Variants in GSPT1 observed in about 807,000 individuals in gnomAD.
GSPT1 encodes the protein G1 to S phase transition 1.
In GSPT1, 20 loss-of-function variants were observed where a neutral mutation model predicts 72.5. The ratio of observed to expected loss-of-function variants is 0.28; its 90% CI spans 0.19 to 0.40. GSPT1 has a LOEUF of 0.40. Among genes scored for constraint, GSPT1 ranks in the 10% least tolerant of loss-of-function variants. GSPT1 has a pLI of 1.00. For missense variants in GSPT1, 580 were observed against 811.9 expected (o/e 0.71, Z 3.47); for synonymous variants, 334 against 293.5 (o/e 1.14, Z -1.41).
In GSPT1 at chr16:11,878,594, TAA is replaced by T. The variant is rs71136693; in HGVS notation, c.1429-1016_1429-1015del. Among the ~76,000 whole-genome samples, 489 of 130,950 alleles carry T rather than the reference TAA, an allele frequency of 3.7e-3. 1 individual carries two copies. Among genetic ancestry groups the T allele is most frequent in the East Asian group, 8.7e-3 (40 of 4,586 alleles). 85.9% of individuals were successfully genotyped at this position (130,950 alleles called of 152,430 possible). A position where few individuals can be genotyped will look rare whatever the true frequency, so the allele number is the denominator to read the frequency against. On this transcript the variant is annotated intron_variant, in intron 11 of 14. Coordinates refer to ENST00000434724, the MANE Select transcript of GSPT1 (RefSeq NM_002094.4). Reference sequence around the variant, plus strand: ...GAGTGACACAGCGAGACCCTGTCTTTAAAAAAAAAAAAAAAAAAAGTTTTTAA... The same window carrying T: ...GAGTGACACAGCGAGACCCTGTCTTTAAAAAAAAAAAAAAAAAGTTTTTAA...
rs2053951433 is a variant in GSPT1, at chr16:11,869,183, A to C, written c.*3936T>G. ...CCACGGAATTACTACTGGAAAATAA[A>C]AACACTTCCTATTCTTTCTATTCCT... is the stretch of plus-strand genomic sequence containing the variant. On this transcript the variant is annotated 3_prime_UTR_variant, in exon 15 of 15. Transcript: ENST00000434724. 1 of 152,254 alleles carries C rather than the reference A, an allele frequency of 6.6e-6. No homozygotes were observed. The highest frequency in any genetic ancestry group is 6.5e-5 in the Admixed American group (1 of 15,274). The allele number at this position is 152,254 out of a possible 1,614,324, so 9.4% of individuals were successfully genotyped here. A position where few individuals can be genotyped will look rare whatever the true frequency, so the allele number is the denominator to read the frequency against.
chr16:11,886,362 T>C, intron 9 of GSPT1, 109 bp downstream of exon 9: 1 of 655,246 alleles, frequency 1.5e-6, no homozygotes, highest in East Asian at 2.8e-5. Context: ...CTTATAAAGA[T>C]ATATGCTCAA....
At chr16:11,889,364 G>A (rs547511487) in intron 6 of GSPT1, among the ~76,000 whole-genome samples, 46 of 125,664 alleles carry the variant, frequency 3.7e-4, no homozygotes, top group African/African-American at 1.5e-3. Flanking sequence ...TTTGGAGATG[G>A]GAGTCTTGCT....
Position 11,891,073 on chromosome 16 carries a change from GT to G in GSPT1, c.764del (p.Asn255ThrfsTer11). The G allele has an allele frequency of 6.8e-7, 1 of 1,462,172 alleles. No individual in the cohort carries two copies. The highest frequency in any genetic ancestry group is 1.3e-5 in the South Asian group (1 of 78,568). 90.6% of individuals were successfully genotyped at this position (1,462,172 alleles called of 1,614,324 possible). A position where few individuals can be genotyped will look rare whatever the true frequency, so the allele number is the denominator to read the frequency against. On this transcript the variant is annotated frameshift_variant, in exon 6 of 15. Transcript: ENST00000434724. LOFTEE classifies it high-confidence loss of function. ...EKYEREAKEK[N>X]RETWYLSWAL... ...AAAGTTTACTATACCAAGTTTCTCT[GT>G]TTTTCTCTTTAGCTTCTCTTTCATA...
chr16:11,875,882 G>A lies in GSPT1; in HGVS notation c.1740C>T (p.Thr580=). Residue 580 remains threonine, a synonymous_variant, in exon 14 of 15, where the codon ACC becomes ACT. Transcript: ENST00000434724. ...GATCTTGTTTGACAAAACGGGGTCG[G>A]GTCTTACTTTTTTCTCCTGATTTTT... ...VDKKSGEKSK[T]RPRFVKQDQV... 1 of 1,613,482 alleles carries A rather than the reference G, an allele frequency of 6.2e-7. No homozygotes were observed. Among genetic ancestry groups the A allele is most frequent in the East Asian group, 2.2e-5 (1 of 44,858 alleles).
Position 11,873,067 on chromosome 16 carries a change from C to A in GSPT1, c.*52G>T. On this transcript the variant is annotated 3_prime_UTR_variant, in exon 15 of 15. Coordinates refer to ENST00000434724, the MANE Select transcript of GSPT1 (RefSeq NM_002094.4). ...ATAAGAGAAGGCGGTGTGAAGTAGGCTTCTGCAGTCAATTTTCCTCACAGT... is the reference window on the plus strand; with the variant it reads ...ATAAGAGAAGGCGGTGTGAAGTAGGATTCTGCAGTCAATTTTCCTCACAGT... 1.0e-6 allele frequency: 1 copy of A among 967,576 alleles called. No homozygotes were observed. The highest frequency in any genetic ancestry group is 1.6e-6 in the Non-Finnish European group (1 of 613,490). 59.9% of individuals were successfully genotyped at this position (967,576 alleles called of 1,614,324 possible). A position where few individuals can be genotyped will look rare whatever the true frequency, so the allele number is the denominator to read the frequency against.
At position 11,881,896 on chromosome 16, in the gene GSPT1, C is replaced by G. The variant is rs141174367; in HGVS notation, c.1428+1119G>C. 202 of 152,278 alleles carry G rather than the reference C, an allele frequency of 1.3e-3. 2 individuals are homozygous for G. Among genetic ancestry groups the G allele is most frequent in the African/African-American group, 4.6e-3 (192 of 41,544 alleles). The allele number at this position is 152,278 out of a possible 1,614,324, so 9.4% of individuals were successfully genotyped here. A position where few individuals can be genotyped will look rare whatever the true frequency, so the allele number is the denominator to read the frequency against. On this transcript the variant is annotated intron_variant, in intron 11 of 14. Transcript: ENST00000434724. ...GTGGTCTCCAACTCCTGGGCTCAAG[C>G]AATCGGTCCACCTCAAACTTCGAAA...
intron 6 of GSPT1, among the ~76,000 whole-genome samples, chr16:11,890,017 G>C (rs1202402703): frequency 6.6e-6 from 1 of 150,626 alleles, no homozygotes; most frequent in East Asian, 2.0e-4. Flanking sequence ...CTGGAGTGCA[G>C]TGGTGCAATC....
chr16:11,892,850 A>AAG (rs2054286262), intron 5 of GSPT1, among the ~76,000 whole-genome samples: 1 of 149,706 alleles, frequency 6.7e-6, no homozygotes. Flanking sequence ...AAAAAAAAAA[A>AAG]AAAAAGAAAA....
chr16:11,878,924 C>T (rs573317245), intron 11 of GSPT1, among the ~76,000 whole-genome samples: 1 of 150,994 alleles, frequency 6.6e-6, no homozygotes, highest in African/African-American at 2.4e-5. Flanking sequence ...AGAAAAAAAA[C>T]AATTAGCTTG....
At chr16:11,894,389 ATTATC>A (rs1238086679) in intron 5 of GSPT1, among the ~76,000 whole-genome samples, 5 of 151,922 alleles carry the variant, frequency 3.3e-5, no homozygotes, top group Admixed American at 6.6e-5. Context: ...CGATCAAAAA[ATTATC>A]TTAGCATTTT....
At chr16:11,916,276 T>TG (rs112641264), upstream of GSPT1, among the ~76,000 whole-genome samples, 3 of 151,932 alleles carry the variant, frequency 2.0e-5, no homozygotes, top group Non-Finnish European at 4.4e-5. Context: ...TGTCACCTGG[T>TG]GGGGGGGCAG....
chr16:11,887,853 T>G, intron 6 of GSPT1, 103 bp from the exon 7 acceptor site: 1 of 788,004 alleles, frequency 1.3e-6, no homozygotes. Flanking sequence ...AACACCTAAA[T>G]CACGAACAAG....
rs750749951 is a variant in GSPT1 at position 11,915,865 on chromosome 16, C to T, written c.-145G>A. ...TAGCGACAAAGATCCCCGGCGTCGC[C>T]GCGGCAGCAGCTCCAGTCCCGACTC... On this transcript the variant is annotated 5_prime_UTR_variant, in exon 1 of 15. Transcript: ENST00000434724. 1.6e-6 allele frequency: 2 copies of T among 1,284,750 alleles called. No homozygotes were observed. The highest frequency in any genetic ancestry group is 1.9e-4 in the Middle Eastern group (1 of 5,372). The allele number at this position is 1,284,750 out of a possible 1,614,324, so 79.6% of individuals were successfully genotyped here. A position where few individuals can be genotyped will look rare whatever the true frequency, so the allele number is the denominator to read the frequency against.
chr16:11,893,576 T>G (rs994999958), intron 5 of GSPT1, among the ~76,000 whole-genome samples: 2 of 152,174 alleles, frequency 1.3e-5, no homozygotes, highest in African/African-American at 4.8e-5. Flanking sequence ...TAATGCATAC[T>G]TCCTTGACTC....
chr16:11,892,518 A>AC (rs1312791202), intron 5 of GSPT1, among the ~76,000 whole-genome samples: 2 of 137,956 alleles, frequency 1.4e-5, no homozygotes, highest in Non-Finnish European at 3.0e-5. Context: ...AAAAAACAAA[A>AC]AAAACAAAAA....
intron 11 of GSPT1, among the ~76,000 whole-genome samples, chr16:11,880,535 G>A (rs998439464): frequency 2.0e-5 from 3 of 152,166 alleles, no homozygotes; most frequent in Non-Finnish European, 4.4e-5. Flanking sequence ...CACATAGTGA[G>A]AGACCCAGCC....
intron 5 of GSPT1, among the ~76,000 whole-genome samples, chr16:11,892,346 A>G (rs2054272289): frequency 6.6e-6 from 1 of 151,222 alleles, no homozygotes; most frequent in South Asian, 2.1e-4. Context: ...CTGTCTCTAA[A>G]AAAAACAAAA....
rs16958713 is a variant in GSPT1, at chr16:11,884,061, C to T, written c.1348-966G>A. Among the ~76,000 whole-genome samples the T allele has an allele frequency of 5.1e-3, 773 of 152,122 alleles. 7 individuals carry two copies. The highest frequency in any genetic ancestry group is 0.018 in the African/African-American group (741 of 41,470). On this transcript the variant is annotated intron_variant, in intron 10 of 14. Transcript: ENST00000434724. ...CAATACTTGTTAAAGAAATTTAGAA[C>T]GGAGCTAATTAAAGAATAATGTATT...
Sources: allele counts gnomAD v4.1 joint callset (sites outside exome capture counted in the v4.1 genomes callset), GRCh38; gene constraint gnomAD v4.1.1; transcripts MANE v1.5; gene names NCBI Gene and HGNC (gene_info 2026-07-23, HGNC 2026-07-21).